Variants in TLR2 observed in about 807,000 individuals in gnomAD.
TLR2 encodes the protein toll-like receptor 2.
In TLR2, 7 loss-of-function variants were observed where a neutral mutation model predicts 9.1. The ratio of observed to expected loss-of-function variants is 0.77; its 90% confidence interval spans 0.44 to 1.44. The LOEUF (loss-of-function observed/expected upper bound fraction) is 1.44, where lower values mean the gene tolerates loss of function less well. Among genes scored for constraint, TLR2 ranks in the 40% most tolerant of loss-of-function variants. The pLI, the probability that TLR2 is intolerant of heterozygous loss-of-function variation, is 0.01. For missense variants in TLR2, 812 were observed against 904.6 expected (o/e 0.90, Z 1.31); for synonymous variants, 317 against 344.6 (o/e 0.92, Z 0.89).
chr4:153,690,735 A>G (rs1356497290), intron 2 of TLR2, among the ~76,000 whole-genome samples: 1 of 152,242 alleles, frequency 6.6e-6, no homozygotes, highest in Non-Finnish European at 1.5e-5. Context: ...GTACTGTTAT[A>G]TCTGCATTTG....
intron 2 of TLR2, among the ~76,000 whole-genome samples, chr4:153,692,286 A>C (rs1254787915): frequency 1.3e-5 from 2 of 152,236 alleles, no homozygotes; most frequent in African/African-American, 4.8e-5. Context: ...GTATAACTGA[A>C]TTAATGGCTC....
Position 153,703,717 on chromosome 4 carries a change from G to A in TLR2, c.810G>A (p.Met270Ile). The stretch of plus-strand genomic sequence containing the variant: ...CCGATGAAAGTTTGTTTCAGGTTAT[G>A]AAACTTTTGAATCAGATTTCTGGAT... ...KITDESLFQV[M>I]KLLNQISGLL... The change falls in exon 3 of 3, where the codon ATG becomes ATA. Residue 270 changes from methionine (M) to isoleucine (I), a missense_variant. Coordinates refer to ENST00000642700, the MANE Select transcript of TLR2 (RefSeq NM_001318789.2). 6.2e-7 allele frequency: 1 copy of A among 1,613,760 alleles called. No individual in the cohort carries two copies. Among genetic ancestry groups the A allele is most frequent in the East Asian group, 2.2e-5 (1 of 44,848 alleles).
intron 1 of TLR2, among the ~76,000 whole-genome samples, chr4:153,686,776 G>C (rs1387835424): frequency 6.6e-6 from 1 of 152,136 alleles, no homozygotes; most frequent in Non-Finnish European, 1.5e-5. Flanking sequence ...CATAGTGGGA[G>C]ATTTTATCAT....
chr4:153,685,973 G>A lies in TLR2; in HGVS notation c.-163+1613G>A, dbSNP rs1235651107. 3.3e-5 allele frequency among the ~76,000 whole-genome samples: 5 copies of A among 152,300 alleles called. No individual in the cohort carries two copies. The East Asian group carries it at 9.6e-4, about 29-fold the overall frequency. ...GTCCAAGATTGAAGGGCTGCATCTG[G>A]TGAGGGTCATCTGGCTACATTATAA... On this transcript the variant is annotated intron_variant, in intron 1 of 2. Coordinates refer to ENST00000642700, the MANE Select transcript of TLR2 (RefSeq NM_001318789.2).
downstream of TLR2, among the ~76,000 whole-genome samples, chr4:153,708,865 A>T (rs1395590958): frequency 1.3e-5 from 2 of 152,224 alleles, no homozygotes; most frequent in Non-Finnish European, 2.9e-5. Context: ...ACCTAGAGAC[A>T]TCTCACAGCT....
chr4:153,685,196 CA>C (rs1488213145), intron 1 of TLR2, among the ~76,000 whole-genome samples: 2 of 152,240 alleles, frequency 1.3e-5, no homozygotes, highest in Non-Finnish European at 2.9e-5. Flanking sequence ...AGCGTTTAAG[CA>C]AAGTCGAGTC....
In TLR2 at chr4:153,703,840, G is replaced by A. The variant is rs1456186653; in HGVS notation, c.933G>A (p.Thr311=). The A allele has an allele frequency of 7.4e-6, 12 of 1,614,004 alleles. No homozygotes were observed. The highest frequency in any genetic ancestry group is 1.7e-5 in the Admixed American group (1 of 60,010). Residue 311 remains threonine, a synonymous_variant, in exon 3 of 3, where the codon ACG becomes ACA. Transcript: ENST00000642700. ...DRVIDPGKVE[T]LTIRRLHIPR... ...TTATAGATCCAGGTAAAGTGGAAAC[G>A]TTAACAATCCGGAGGCTGCATATTC...
intron 2 of TLR2, among the ~76,000 whole-genome samples, chr4:153,700,010 T>C (rs1371925964): frequency 6.6e-6 from 1 of 152,164 alleles, no homozygotes. Flanking sequence ...AGCATCTGTT[T>C]GACCTTAGGA....
At position 153,687,936 on chromosome 4, in the gene TLR2, G is replaced by T. The variant is rs1735826819; in HGVS notation, c.-128G>T. ...TAACAGTGTTTGGTGTTGCAAGCAG[G>T]ATCCAAAGGAGACCTATAGTGACTC... On this transcript the variant is annotated 5_prime_UTR_variant, in exon 2 of 3. Coordinates refer to ENST00000642700, the MANE Select transcript of TLR2 (RefSeq NM_001318789.2). The T allele has an allele frequency of 6.6e-6, 1 of 152,192 alleles. No individual in the cohort carries two copies. Among genetic ancestry groups the T allele is most frequent in the Admixed American group, 6.5e-5 (1 of 15,284 alleles). The allele number at this position is 152,192 out of a possible 1,614,324, so 9.4% of individuals were successfully genotyped here.
At chr4:153,698,189 A>G (rs573578260) in intron 2 of TLR2, among the ~76,000 whole-genome samples, 1 of 152,196 alleles carries the variant, frequency 6.6e-6, no homozygotes, top group African/African-American at 2.4e-5. Context: ...TGGACTGGGT[A>G]AGAATTTCCA....
chr4:153,705,195 A>C lies in TLR2; in HGVS notation c.2288A>C (p.Glu763Ala). 1 of 1,613,274 alleles carries C rather than the reference A, an allele frequency of 6.2e-7. No individual in the cohort carries two copies. Among genetic ancestry groups the C allele is most frequent in the South Asian group, 1.1e-5 (1 of 91,028 alleles). Residue 763 changes from glutamate to alanine, a missense_variant, in exon 3 of 3, where the codon GAG (glutamate) becomes GCG (alanine). Glu to Ala is a moderately radical substitution (Grantham distance 107). Transcript: ENST00000642700. ...ATAATGAACACCAAGACCTACCTGG[A>C]GTGGCCCATGGACGAGGCTCAGCGG... is the stretch of plus-strand genomic sequence containing the variant. Reference protein sequence around the residue: ...RKIMNTKTYLEWPMDEAQREG... With the variant: ...RKIMNTKTYLAWPMDEAQREG...
chr4:153,704,732 T>G lies in TLR2; in HGVS notation c.1825T>G (p.Cys609Gly). ...GCTGATCCTGCTCACGGGGGTCCTG[T>G]GCCACCGTTTCCATGGCCTGTGGTA... is the stretch of plus-strand genomic sequence containing the variant. ...FLLILLTGVL[C>G]HRFHGLWYMK... Residue 609 changes from cysteine to glycine, a missense_variant, in exon 3 of 3, where the codon TGC becomes GGC. By Grantham distance (159) the Cys-to-Gly change is radical (BLOSUM62 -3). Coordinates refer to ENST00000642700, the MANE Select transcript of TLR2 (RefSeq NM_001318789.2). 6.2e-7 allele frequency: 1 copy of G among 1,613,960 alleles called. No individual in the cohort carries two copies. The highest frequency in any genetic ancestry group is 8.5e-7 in the Non-Finnish European group (1 of 1,179,968).
At chr4:153,710,281 G>T, downstream of TLR2, 1 of 1,047,050 alleles carries the variant, frequency 9.6e-7, no homozygotes, top group Non-Finnish European at 1.3e-6. Flanking sequence ...TAAACACTTG[G>T]GATCATCTCT....
At chr4:153,688,300 C>T (rs550350053) in intron 2 of TLR2, 1 of 152,304 alleles carries the variant, frequency 6.6e-6, no homozygotes, top group Non-Finnish European at 1.5e-5. Flanking sequence ...GAATTATGGA[C>T]CAAGAACCTG....
Position 153,704,139 on chromosome 4 carries a change from C to T in TLR2, c.1232C>T (p.Thr411Ile), listed in dbSNP as rs5743699. The T allele has an allele frequency of 1.1e-3, 1,724 of 1,613,496 alleles. 36 individuals are homozygous for T. In the Admixed American group the frequency reaches 0.023, roughly 22 times the overall value. Residue 411 changes from threonine (T) to isoleucine (I), a missense_variant, in exon 3 of 3, where the codon ACT (threonine) becomes ATT (isoleucine). Transcript: ENST00000642700. ...GAAAAAACCGGAGAGACTTTGCTCA[C>T]TCTGAAAAACTTGACTAACATTGAT... The part of the protein sequence containing the change: ...SLEKTGETLL[T>I]LKNLTNIDIS...
In TLR2 at chr4:153,703,864, TC is replaced by T; in HGVS notation, c.959del (p.Pro320GlnfsTer9). ...CGTTAACAATCCGGAGGCTGCATATTCCAAGGTTTTACTTATTTTATGATCT... is the reference window on the plus strand; with the variant it reads ...CGTTAACAATCCGGAGGCTGCATATTCAAGGTTTTACTTATTTTATGATCT... ...ETLTIRRLHIPRFYLFYDLST... is the reference protein window; with the variant it reads ...ETLTIRRLHIXRFYLFYDLST... On this transcript the variant is annotated frameshift_variant, in exon 3 of 3. Coordinates refer to ENST00000642700, the MANE Select transcript of TLR2 (RefSeq NM_001318789.2). LOFTEE classifies it low-confidence loss of function (END_TRUNC). 1 of 1,614,098 alleles carries T rather than the reference TC, an allele frequency of 6.2e-7. No homozygotes were observed. Among genetic ancestry groups the T allele is most frequent in the Non-Finnish European group, 8.5e-7 (1 of 1,179,978 alleles).
rs138586025 is a variant in TLR2 at position 153,690,328 on chromosome 4, T to C, written c.-17+2281T>C. 2.1e-3 allele frequency among the ~76,000 whole-genome samples: 313 copies of C among 152,388 alleles called. 11 individuals are homozygous for C. The East Asian group carries it at 0.05, about 24-fold the overall frequency. ...AACTGCTGTTTCAGGGAGAGATTCATTCTTTCTACAATGGTTTGTCCTTGA... is the reference window on the plus strand; with the variant it reads ...AACTGCTGTTTCAGGGAGAGATTCACTCTTTCTACAATGGTTTGTCCTTGA... On this transcript the variant is annotated intron_variant, in intron 2 of 2. Transcript: ENST00000642700.
chr4:153,708,706 T>C (rs1186512848), downstream of TLR2, among the ~76,000 whole-genome samples: 4 of 152,146 alleles, frequency 2.6e-5, no homozygotes, highest in Non-Finnish European at 5.9e-5. Context: ...TTGTTCTTTG[T>C]GTGATTAGCA....
At chr4:153,707,112 A>T (rs1008363956), downstream of TLR2, among the ~76,000 whole-genome samples, 1 of 152,196 alleles carries the variant, frequency 6.6e-6, no homozygotes, top group Admixed American at 6.5e-5. Flanking sequence ...GGATACTAGC[A>T]GGGATATAAG....
Sources: gnomAD v4.1 joint callset for allele counts (sites outside exome capture counted in the v4.1 genomes callset) on GRCh38, gnomAD v4.1.1 for gene constraint, MANE v1.5 for transcripts, NCBI Gene and HGNC (gene_info 2026-07-23, HGNC 2026-07-21) for gene names.